SLC12A2: variants seen among roughly 807,000 people sequenced by gnomAD.
The protein encoded by SLC12A2 is Na-K-2Cl cotransporter 1.
SLC12A2 carries 67 observed loss-of-function variants against 136.3 expected under a neutral mutation model. The observed-to-expected ratio is 0.49, with a 90% CI of 0.40 to 0.60. The LOEUF (loss-of-function observed/expected upper bound fraction) is 0.60. Among genes scored for constraint, SLC12A2 ranks in the 20% least tolerant of loss-of-function variants. The pLI, the probability that SLC12A2 is intolerant of heterozygous loss-of-function variation, is 0.00. For synonymous variants in SLC12A2, 619 were observed against 562.9 expected, an observed-to-expected ratio of 1.10 and a Z score of -1.41; for missense variants, 1,322 against 1,534.7, an observed-to-expected ratio of 0.86 and a Z score of 2.32.
chr5:128,130,933 A>G (rs1419399904), intron 4 of SLC12A2, 134 bp from the exon 5 acceptor site: 1 of 709,222 alleles, frequency 1.4e-6, no homozygotes. Context: ...AAATACAGTC[A>G]CTCACTTGCC....
intron 1 of SLC12A2, chr5:128,109,948 A>T: frequency 1.1e-6 from 1 of 881,252 alleles, no homozygotes; most frequent in Non-Finnish European, 2.0e-6. Context: ...GCCCAACTGG[A>T]AACCATTGCT....
intron 10 of SLC12A2, 82 bp downstream of exon 10, chr5:128,142,063 T>C (rs1336747060): frequency 2.6e-6 from 3 of 1,164,336 alleles, no homozygotes. Context: ...ATTCAGAATA[T>C]AGCTGTAACA....
chr5:128,135,609 C>CT, intron 6 of SLC12A2, 91 bp from the exon 7 acceptor site: 1 of 851,000 alleles, frequency 1.2e-6, no homozygotes, highest in South Asian at 1.5e-5. Context: ...GACAGAAATT[C>CT]TTTCCCTCAT....
chr5:128,112,936 A>ATG lies in SLC12A2; in HGVS notation c.876+5_876+6dup, dbSNP rs1400133385. On this transcript the variant is annotated splice_donor_region_variant and intron_variant, in intron 2 of 26. Coordinates refer to ENST00000262461, the MANE Select transcript of SLC12A2 (RefSeq NM_001046.3). Reference sequence around the variant, plus strand: ...TTGGCTGGATCAAGGGTGTATTAGTATGTATATATAGACTTAATTTTATAG... The same window carrying ATG: ...TTGGCTGGATCAAGGGTGTATTAGTATGTGTATATATAGACTTAATTTTATAG... 1.9e-6 allele frequency: 3 copies of ATG among 1,599,510 alleles called. No homozygotes were observed. Among genetic ancestry groups the ATG allele is most frequent in the Non-Finnish European group, 2.6e-6 (3 of 1,175,262 alleles).
At chr5:128,185,976 T>A (rs1763853477) in intron 26 of SLC12A2, among the ~76,000 whole-genome samples, 1 of 152,276 alleles carries the variant, frequency 6.6e-6, no homozygotes, top group African/African-American at 2.4e-5. Context: ...CTTGGGAGAC[T>A]GAGGTGGGAG....
chr5:128,131,694 A>G (rs1296913455), intron 5 of SLC12A2, among the ~76,000 whole-genome samples: 1 of 149,696 alleles, frequency 6.7e-6, no homozygotes, highest in East Asian at 2.0e-4. Flanking sequence ...ACAGAGCAAG[A>G]CTCCGTCTCG....
Position 128,084,484 on chromosome 5 carries a change from C to T in SLC12A2, c.530C>T (p.Thr177Met), listed in dbSNP as rs1312326557. 6.8e-6 allele frequency: 11 copies of T among 1,609,502 alleles called. No homozygotes were observed. The Admixed American group carries it at 1.7e-4, about 24-fold the overall frequency. Residue 177 changes from threonine to methionine, a missense_variant, in exon 1 of 27, where the codon ACG becomes ATG. Coordinates refer to ENST00000262461, the MANE Select transcript of SLC12A2 (RefSeq NM_001046.3). The surrounding 1 kb of genome is among the most constrained non-coding windows in gnomAD (Gnocchi z 5.6). ...PNVSFQNGGD[T>M]VLSEGSSLHS... ...GTGAGCTTCCAGAACGGCGGGGACA[C>T]GGTGCTGAGCGAGGGCAGCAGCCTG...
intron 4 of SLC12A2, among the ~76,000 whole-genome samples, chr5:128,123,425 A>C (rs923316958): frequency 6.6e-6 from 1 of 152,182 alleles, no homozygotes; most frequent in Non-Finnish European, 1.5e-5. Context: ...TTATTTTTAC[A>C]AAATTTTCAC....
chr5:128,097,851 G>A (rs1479917227), intron 1 of SLC12A2, among the ~76,000 whole-genome samples: 1 of 151,380 alleles, frequency 6.6e-6, no homozygotes, highest in African/African-American at 2.4e-5. Context: ...CCCTTCCTTG[G>A]GCACTTCTTG....
At chr5:128,103,308 G>A (rs556654007) in intron 1 of SLC12A2, among the ~76,000 whole-genome samples, 3 of 152,178 alleles carry the variant, frequency 2.0e-5, no homozygotes, top group East Asian at 1.9e-4. Context: ...CGCATATGTC[G>A]GAACTGAGGA....
chr5:128,178,699 T>C lies in SLC12A2; in HGVS notation c.3100+10T>C. 1 of 1,528,776 alleles carries C rather than the reference T, an allele frequency of 6.5e-7. No individual in the cohort carries two copies. Among genetic ancestry groups the C allele is most frequent in the South Asian group, 1.3e-5 (1 of 76,954 alleles). 94.7% of individuals were successfully genotyped at this position (1,528,776 alleles called of 1,614,324 possible). A position where few individuals can be genotyped will look rare whatever the true frequency, so the allele number is the denominator to read the frequency against. On this transcript the variant is annotated intron_variant, in intron 22 of 26. Transcript: ENST00000262461. ...CTTTTTGATGATGGAGGTAAGGTTG[T>C]TAATTTTTTTAAAATGATTTTAAAT...
chr5:128,125,641 G>T (rs1373905417), intron 4 of SLC12A2, among the ~76,000 whole-genome samples: 1 of 152,048 alleles, frequency 6.6e-6, no homozygotes, highest in Admixed American at 6.6e-5. Flanking sequence ...GTCTTTCAGT[G>T]AAGAGACGTT....
chr5:128,142,228 G>A (rs185574492), intron 10 of SLC12A2, among the ~76,000 whole-genome samples: 8 of 152,084 alleles, frequency 5.3e-5, no homozygotes, highest in East Asian at 3.9e-4. Context: ...CCAATCTCCC[G>A]CGTAGCTGGG....
intron 26 of SLC12A2, 124 bp from the exon 27 acceptor site, chr5:128,186,372 T>C: frequency 1.0e-6 from 1 of 977,356 alleles, no homozygotes; most frequent in South Asian, 1.9e-5. Flanking sequence ...CTCAGAAATA[T>C]TCTGTAATTA....
Position 128,186,717 on chromosome 5 carries a change from C to A in SLC12A2, c.*86C>A. 7.4e-7 allele frequency: 1 copy of A among 1,342,978 alleles called. No homozygotes were observed. The highest frequency in any genetic ancestry group is 1.4e-5 in the South Asian group (1 of 71,910). 83.2% of individuals were successfully genotyped at this position (1,342,978 alleles called of 1,614,324 possible). On this transcript the variant is annotated 3_prime_UTR_variant, in exon 27 of 27. Coordinates refer to ENST00000262461, the MANE Select transcript of SLC12A2 (RefSeq NM_001046.3). ...AATCTTCAATGACACATTAACATCA[C>A]AATGGCGAATGGTGACTTTTCTTTC...
At chr5:128,114,131 A>G (rs1333512767) in intron 2 of SLC12A2, 81 bp from the exon 3 acceptor site, 6 of 974,104 alleles carry the variant, frequency 6.2e-6, no homozygotes, top group African/African-American at 1.6e-5. Context: ...TGCATGTTCT[A>G]CTTTGACTGG....
chr5:128,150,300 A>C (rs1250510327), intron 13 of SLC12A2, among the ~76,000 whole-genome samples: 1 of 151,802 alleles, frequency 6.6e-6, no homozygotes, highest in Non-Finnish European at 1.5e-5. Context: ...TCTTCAAAGC[A>C]TTTGATAGGA....
intron 1 of SLC12A2, among the ~76,000 whole-genome samples, chr5:128,106,968 C>T: frequency 6.6e-6 from 1 of 151,978 alleles, no homozygotes; most frequent in Non-Finnish European, 1.5e-5. Context: ...TCTTGTAATA[C>T]TTGGAGGTTA....
chr5:128,126,468 T>C (rs1294657524), intron 4 of SLC12A2, among the ~76,000 whole-genome samples: 1 of 152,090 alleles, frequency 6.6e-6, no homozygotes, highest in African/African-American at 2.4e-5. Context: ...GGAGGACAGT[T>C]TGGAAGTTCC....
Sources: gnomAD v4.1 joint callset for allele counts (sites outside exome capture counted in the v4.1 genomes callset) on GRCh38, gnomAD v4.1.1 for gene constraint, Gnocchi (gnomAD v3.1) non-coding constraint, MANE v1.5 for transcripts, NCBI Gene and HGNC (gene_info 2026-07-23, HGNC 2026-07-21) for gene names.